CEP162: variants seen among roughly 807,000 people sequenced by gnomAD.
The protein encoded by CEP162 is centrosomal protein of 162 kDa.
Under a neutral mutation model 169.2 loss-of-function variants are expected in CEP162, and 141 were observed. The observed-to-expected ratio is 0.83, with a 90% CI of 0.73 to 0.96. The LOEUF is 0.96. CEP162 is among the 40% of genes least tolerant of loss of function. The pLI is 0.00. For synonymous variants in CEP162, 540 were observed against 526.4 expected, an observed-to-expected ratio of 1.03 and a Z score of -0.35; for missense variants, 1,600 against 1,587.2, an observed-to-expected ratio of 1.01 and a Z score of -0.14.
Position 84,161,913 on chromosome 6 carries a change from T to C in CEP162, c.2513-4A>G. 6.8e-7 allele frequency: 1 copy of C among 1,464,328 alleles called. No individual in the cohort carries two copies. Among genetic ancestry groups the C allele is most frequent in the Non-Finnish European group, 9.4e-7 (1 of 1,069,488 alleles). The allele number at this position is 1,464,328 out of a possible 1,614,324, so 90.7% of individuals were successfully genotyped here. Reference sequence around the variant, plus strand: ...TTTATTTCATATAATTTCTCACCTATAAGATACAGTAACTCAATAACCTGC... The same window carrying C: ...TTTATTTCATATAATTTCTCACCTACAAGATACAGTAACTCAATAACCTGC... On this transcript the variant is annotated splice_region_variant and splice_polypyrimidine_tract_variant and intron_variant, in intron 19 of 26. Coordinates refer to ENST00000403245, the MANE Select transcript of CEP162 (RefSeq NM_014895.4).
Position 84,193,102 on chromosome 6 carries a change from C to T in CEP162, c.1109+507G>A, listed in dbSNP as rs537893757. Among the ~76,000 whole-genome samples, 4 of 152,352 alleles carry T rather than the reference C, an allele frequency of 2.6e-5. No individual in the cohort carries two copies. In the South Asian group the frequency reaches 8.3e-4, roughly 32 times the overall value. Reference sequence around the variant, plus strand: ...AGCAACGCTGTCTATTACAAGGTTACTGTGACATGTTACTCCGTGTTGAAG... The same window carrying T: ...AGCAACGCTGTCTATTACAAGGTTATTGTGACATGTTACTCCGTGTTGAAG... On this transcript the variant is annotated intron_variant, in intron 11 of 26. Transcript: ENST00000403245.
At chr6:84,162,805 A>T (rs1040901348) in intron 19 of CEP162, among the ~76,000 whole-genome samples, 1 of 152,158 alleles carries the variant, frequency 6.6e-6, no homozygotes, top group African/African-American at 2.4e-5. Context: ...TCACTTGGCA[A>T]ATACACAACA....
intron 25 of CEP162, among the ~76,000 whole-genome samples, chr6:84,135,125 GTAGTGGGATTA>G (rs1211348669): frequency 2.0e-5 from 3 of 151,990 alleles, no homozygotes; most frequent in African/African-American, 7.2e-5. Flanking sequence ...ATATAACTAG[GTAGTGGGATTA>G]TAGTGATTTT....
chr6:84,175,000 G>T, intron 14 of CEP162, 46 bp from the exon 15 acceptor site: 1 of 1,250,214 alleles, frequency 8.0e-7, no homozygotes, highest in Non-Finnish European at 1.1e-6. Context: ...TTATGTATAA[G>T]ATTTGAACAC....
chr6:84,169,336 T>A lies in CEP162; in HGVS notation c.2377A>T (p.Met793Leu). The change falls in exon 18 of 27, where the codon ATG becomes TTG. Residue 793 changes from methionine to leucine, a missense_variant. Coordinates refer to ENST00000403245, the MANE Select transcript of CEP162 (RefSeq NM_014895.4). Reference protein sequence around the residue: ...NFTDLLAELRMAQKEKDSLLE... With the variant: ...NFTDLLAELRLAQKEKDSLLE... ...ATCGTTATGCAACTTACCTGTGCCA[T>A]CCGTAGTTCTGCTAACAGATCTGTA... The A allele has an allele frequency of 6.4e-7, 1 of 1,556,962 alleles. No homozygotes were observed. The highest frequency in any genetic ancestry group is 1.7e-4 in the Middle Eastern group (1 of 5,954).
chr6:84,199,968 G>A (rs1469672818), intron 9 of CEP162, among the ~76,000 whole-genome samples: 1 of 152,104 alleles, frequency 6.6e-6, no homozygotes, highest in Non-Finnish European at 1.5e-5. Flanking sequence ...GATTTCAACT[G>A]GGCCGGGTGT....
At chr6:84,195,813 C>T (rs553276058) in intron 9 of CEP162, among the ~76,000 whole-genome samples, 27 of 152,282 alleles carry the variant, frequency 1.8e-4, no homozygotes, top group African/African-American at 6.0e-4. Flanking sequence ...GTTTTTTGGC[C>T]TGGCTAACTT....
chr6:84,166,793 T>C (rs1024759446), intron 18 of CEP162, among the ~76,000 whole-genome samples: 1 of 152,208 alleles, frequency 6.6e-6, no homozygotes, highest in African/African-American at 2.4e-5. Flanking sequence ...AGGTAAAAAG[T>C]AGACTATACA....
At position 84,226,464 on chromosome 6, in the gene CEP162, G is replaced by A. The variant is rs2099555791; in HGVS notation, c.-59-12C>T. 2.8e-6 allele frequency: 3 copies of A among 1,076,102 alleles called. No individual in the cohort carries two copies. Among genetic ancestry groups the A allele is most frequent in the Admixed American group, 2.1e-5 (1 of 47,992 alleles). 66.7% of individuals were successfully genotyped at this position (1,076,102 alleles called of 1,614,324 possible). A position where few individuals can be genotyped will look rare whatever the true frequency, so the allele number is the denominator to read the frequency against. On this transcript the variant is annotated splice_polypyrimidine_tract_variant and intron_variant, in intron 1 of 26. Coordinates refer to ENST00000403245, the MANE Select transcript of CEP162 (RefSeq NM_014895.4). ...AAACATTGGAAACACTAAATGACAA[G>A]AGACATAAACATCTTTTGAGGAAAT...
chr6:84,179,927 T>A (rs1459073461), intron 13 of CEP162, among the ~76,000 whole-genome samples: 1 of 152,152 alleles, frequency 6.6e-6, no homozygotes, highest in Non-Finnish European at 1.5e-5. Context: ...AAGAAGGAGC[T>A]GGTACCATTC....
chr6:84,186,461 T>C lies in CEP162; in HGVS notation c.1272A>G (p.Glu424=). Residue 424 remains glutamate, a synonymous_variant, in exon 12 of 27, where the codon GAA becomes GAG. Coordinates refer to ENST00000403245, the MANE Select transcript of CEP162 (RefSeq NM_014895.4). ...ILQKTTNESM[E]NSCPQVTEVT... Reference sequence around the variant, plus strand: ...CTTCAGTTACTTGTGGACAGCTGTTTTCCATACTCTCATTTGTGGTCTTTT... The same window carrying C: ...CTTCAGTTACTTGTGGACAGCTGTTCTCCATACTCTCATTTGTGGTCTTTT... 2 of 1,613,246 alleles carry C rather than the reference T, an allele frequency of 1.2e-6. No homozygotes were observed. The highest frequency in any genetic ancestry group is 1.7e-6 in the Non-Finnish European group (2 of 1,179,366).
intron 25 of CEP162, among the ~76,000 whole-genome samples, chr6:84,140,381 T>C (rs1321440582): frequency 1.3e-5 from 2 of 152,118 alleles, no homozygotes; most frequent in African/African-American, 4.8e-5. Flanking sequence ...TTCACACAAC[T>C]CTTCTGTCTG....
chr6:84,150,507 T>G (rs2099520702), intron 23 of CEP162, among the ~76,000 whole-genome samples: 1 of 152,090 alleles, frequency 6.6e-6, no homozygotes, highest in Non-Finnish European at 1.5e-5. Context: ...GGAAACAGTG[T>G]GAGTAGGGTC....
intron 13 of CEP162, among the ~76,000 whole-genome samples, chr6:84,179,184 G>C (rs2099533680): frequency 6.6e-6 from 1 of 152,166 alleles, no homozygotes; most frequent in South Asian, 2.1e-4. Context: ...CCAGTAATGG[G>C]ATGGCTGGTT....
chr6:84,198,530 C>G (rs2099543107), intron 9 of CEP162, among the ~76,000 whole-genome samples: 1 of 152,086 alleles, frequency 6.6e-6, no homozygotes, highest in Non-Finnish European at 1.5e-5. Context: ...TCTGCCCGCT[C>G]CGGCCTCCTA....
intron 23 of CEP162, among the ~76,000 whole-genome samples, chr6:84,150,714 G>GA: frequency 6.6e-6 from 1 of 152,054 alleles, no homozygotes; most frequent in Non-Finnish European, 1.5e-5. Flanking sequence ...TTCTTTCCTG[G>GA]AAAAAATGTG....
chr6:84,138,832 CT>C (rs1239739873), intron 25 of CEP162, among the ~76,000 whole-genome samples: 1 of 152,120 alleles, frequency 6.6e-6, no homozygotes, highest in African/African-American at 2.4e-5. Context: ...AAACTTAGTG[CT>C]TATGTTAACA....
chr6:84,149,084 C>T (rs1562013286), intron 24 of CEP162, among the ~76,000 whole-genome samples: 1 of 152,062 alleles, frequency 6.6e-6, no homozygotes, highest in Non-Finnish European at 1.5e-5. Flanking sequence ...CTGTGTATCT[C>T]TCTTTTCATT....
chr6:84,165,275 T>C (rs1459939733), intron 18 of CEP162, among the ~76,000 whole-genome samples: 2 of 152,062 alleles, frequency 1.3e-5, no homozygotes, highest in Non-Finnish European at 2.9e-5. Context: ...TGCAGGATTT[T>C]ATTTTGCCAA....
Sources: gnomAD v4.1 joint callset for allele counts (sites outside exome capture counted in the v4.1 genomes callset) on GRCh38, gnomAD v4.1.1 for gene constraint, MANE v1.5 for transcripts, NCBI Gene and HGNC (gene_info 2026-07-23, HGNC 2026-07-21) for gene names.